The following MAP3K20 variants were observed in gnomAD, a reference collection of about 807,000 sequenced individuals.
The protein encoded by MAP3K20 is mitogen-activated protein kinase kinase kinase 20.
In MAP3K20, 40 loss-of-function variants were observed where a neutral mutation model predicts 85.7. That is an observed-to-expected ratio of 0.47 (90% CI 0.36 to 0.61). The LOEUF is 0.61. Ranked by LOEUF, MAP3K20 falls within the 20% of genes least tolerant of loss-of-function variation. The pLI is 0.00. For missense variants in MAP3K20, 817 were observed against 961.7 expected (o/e 0.85, Z 1.99); for synonymous variants, 325 against 327.7 (o/e 0.99, Z 0.09).
intron 2 of MAP3K20, among the ~76,000 whole-genome samples, chr2:173,144,495 GAA>G (rs894031429): frequency 7.0e-5 from 10 of 142,440 alleles, no homozygotes; most frequent in Non-Finnish European, 1.5e-4. Flanking sequence ...AGAAAAGAAA[GAA>G]AGAAGAGAAG....
chr2:173,081,623 G>A lies in MAP3K20; in HGVS notation c.-35+5621G>A, dbSNP rs571282335. On this transcript the variant is annotated intron_variant, in intron 1 of 19. Transcript: ENST00000375213. Reference sequence around the variant, plus strand: ...GATCTCTTTGCTTTGGGAATTGGGGGGAAGGAAGAGGAAAGTTTTAGGATA... The same window carrying A: ...GATCTCTTTGCTTTGGGAATTGGGGAGAAGGAAGAGGAAAGTTTTAGGATA... Among the ~76,000 whole-genome samples the A allele has an allele frequency of 2.6e-5, 4 of 152,232 alleles. No homozygotes were observed. In the East Asian group the frequency reaches 7.7e-4, roughly 29 times the overall value.
chr2:173,191,311 C>T, intron 7 of MAP3K20, 134 bp downstream of exon 7: 1 of 1,205,684 alleles, frequency 8.3e-7, no homozygotes, highest in Non-Finnish European at 1.1e-6. Context: ...AAAGCAGCAC[C>T]ATTGGAGAAC....
intron 16 of MAP3K20, among the ~76,000 whole-genome samples, chr2:173,250,910 C>CT (rs1685028026): frequency 6.6e-6 from 1 of 151,948 alleles, no homozygotes; most frequent in African/African-American, 2.4e-5. Context: ...CTTGTATTAT[C>CT]TTTTTTTAAA....
At chr2:173,183,817 T>C (rs915015477) in intron 4 of MAP3K20, among the ~76,000 whole-genome samples, 35 of 152,210 alleles carry the variant, frequency 2.3e-4, no homozygotes, top group Non-Finnish European at 4.6e-4. Flanking sequence ...AAATATAATG[T>C]GATTTAGCAC....
At chr2:173,093,581 G>T (rs1489451356) in intron 2 of MAP3K20, among the ~76,000 whole-genome samples, 1 of 152,028 alleles carries the variant, frequency 6.6e-6, no homozygotes, top group African/African-American at 2.4e-5. Flanking sequence ...AAACAAAAAA[G>T]AAAGACTGTA....
chr2:173,103,347 C>A (rs188097182), intron 2 of MAP3K20, among the ~76,000 whole-genome samples: 206 of 152,292 alleles, frequency 1.4e-3, no homozygotes, highest in African/African-American at 4.8e-3. Context: ...ATCAGTGAGG[C>A]TCTGTGGGAA....
chr2:173,093,989 T>G (rs1687381427), intron 2 of MAP3K20, among the ~76,000 whole-genome samples: 2 of 83,314 alleles, frequency 2.4e-5, no homozygotes, highest in East Asian at 3.9e-4. Flanking sequence ...GGGACTGTTG[T>G]GGGGTGGGGG....
intron 7 of MAP3K20, among the ~76,000 whole-genome samples, chr2:173,195,330 T>A (rs1238073193): frequency 1.3e-5 from 2 of 152,184 alleles, no homozygotes; most frequent in Non-Finnish European, 2.9e-5. Context: ...TGAGCACTGT[T>A]CCAGAACAAG....
intron 14 of MAP3K20, among the ~76,000 whole-genome samples, chr2:173,234,934 G>T (rs1392768059): frequency 6.6e-6 from 1 of 152,100 alleles, no homozygotes; most frequent in Non-Finnish European, 1.5e-5. Context: ...AAAACAGGAG[G>T]GTATAAATGT....
chr2:173,233,026 C>G (rs1264927552), intron 14 of MAP3K20, among the ~76,000 whole-genome samples: 1 of 152,140 alleles, frequency 6.6e-6, no homozygotes, highest in African/African-American at 2.4e-5. Flanking sequence ...CTGAATATCA[C>G]CCCCCTGCCC....
chr2:173,139,231 CAT>C (rs1438908065), intron 2 of MAP3K20, among the ~76,000 whole-genome samples: 1 of 152,180 alleles, frequency 6.6e-6, no homozygotes, highest in Non-Finnish European at 1.5e-5. Flanking sequence ...GTGCTCTACT[CAT>C]AATAGAATCT....
At chr2:173,165,004 A>G (rs542104446) in intron 2 of MAP3K20, among the ~76,000 whole-genome samples, 3 of 152,344 alleles carry the variant, frequency 2.0e-5, no homozygotes, top group South Asian at 2.1e-4. Context: ...GCTGGAAACA[A>G]TAAGAGCAGG....
In MAP3K20 at chr2:173,091,196, G is replaced by T. The variant is rs375547952; in HGVS notation, c.159+6G>T. On this transcript the variant is annotated splice_donor_region_variant and intron_variant, in intron 2 of 19. Coordinates refer to ENST00000375213, the MANE Select transcript of MAP3K20 (RefSeq NM_016653.3). ...TCCTCAAAATAGAGAAAGAGGTAAGGTCTTTTCCAGCTGACAGAAACAGTC... is the reference window on the plus strand; with the variant it reads ...TCCTCAAAATAGAGAAAGAGGTAAGTTCTTTTCCAGCTGACAGAAACAGTC... 11 of 1,607,130 alleles carry T rather than the reference G, an allele frequency of 6.8e-6. No individual in the cohort carries two copies. The highest frequency in any genetic ancestry group is 9.4e-6 in the Non-Finnish European group (11 of 1,176,388).
intron 1 of MAP3K20, among the ~76,000 whole-genome samples, chr2:173,080,818 T>C (rs1686993572): frequency 6.6e-6 from 1 of 152,160 alleles, no homozygotes; most frequent in Non-Finnish European, 1.5e-5. Flanking sequence ...TAAAGTGTGC[T>C]TTAGAACCAC....
chr2:173,096,072 G>A (rs909360040), intron 2 of MAP3K20, among the ~76,000 whole-genome samples: 4 of 152,104 alleles, frequency 2.6e-5, no homozygotes, highest in African/African-American at 9.7e-5. Flanking sequence ...TGTGTATGCA[G>A]CTATCTACCC....
At chr2:173,159,348 T>TCTTTCTTTCTTTCCTTTCTTTCTTTC (rs60237112) in intron 2 of MAP3K20, among the ~76,000 whole-genome samples, 3 of 147,840 alleles carry the variant, frequency 2.0e-5, no homozygotes, top group South Asian at 4.3e-4. Context: ...TGTATTTTAC[T>TCTTTCTTTCTTTCCTTTCTTTCTTTC]CTTTCTTTCT....
chr2:173,255,437 T>C (rs1685135994), intron 16 of MAP3K20, among the ~76,000 whole-genome samples: 1 of 152,212 alleles, frequency 6.6e-6, no homozygotes, highest in Non-Finnish European at 1.5e-5. Context: ...CTAGGAAAGT[T>C]CTTTAATCTT....
chr2:173,111,011 C>T (rs149248237), intron 2 of MAP3K20, among the ~76,000 whole-genome samples: 5,112 of 152,294 alleles, frequency 0.034, 111 homozygotes, highest in Admixed American at 0.054. Context: ...TCCACACTGT[C>T]TTCCATAGCG....
chr2:173,094,603 T>C (rs1433423357), intron 2 of MAP3K20, among the ~76,000 whole-genome samples: 3 of 152,226 alleles, frequency 2.0e-5, no homozygotes, highest in Admixed American at 6.5e-5. Context: ...TTTTAAGACG[T>C]AGACATTTTG....
Sources: allele counts gnomAD v4.1 joint callset (sites outside exome capture counted in the v4.1 genomes callset), GRCh38; gene constraint gnomAD v4.1.1; transcripts MANE v1.5; gene names NCBI Gene and HGNC (gene_info 2026-07-23, HGNC 2026-07-21).